DCAF8L2: variants seen among roughly 807,000 people sequenced by gnomAD.
DCAF8L2 encodes DDB1- and CUL4-associated factor 8-like protein 2.
For synonymous variants in DCAF8L2, 200 were observed against 190.9 expected, an observed-to-expected ratio of 1.05 and a Z score of -0.39; for missense variants, 430 against 490.7, an observed-to-expected ratio of 0.88 and a Z score of 1.17.
the DCAF8L2 span, among the ~76,000 whole-genome samples, chrX:27,557,570 T>C: frequency 9.0e-6 from 1 of 111,531 alleles, no homozygotes; most frequent in Non-Finnish European, 1.9e-5. Flanking sequence ...TTAGTGAAGA[T>C]GAGAGGAAGA....
upstream of DCAF8L2, among the ~76,000 whole-genome samples, chrX:27,586,798 A>C (rs1343117322): frequency 9.0e-6 from 1 of 111,063 alleles, no homozygotes; most frequent in African/African-American, 3.3e-5. Context: ...AACCAGGAAT[A>C]GAATATATTC....
chrX:27,661,889 C>T (rs987240152), intron 2 of DCAF8L2, among the ~76,000 whole-genome samples: 4 of 111,421 alleles, frequency 3.6e-5, no homozygotes, highest in African/African-American at 1.3e-4. Flanking sequence ...TAACCACTTC[C>T]TGGGATGTCT....
At chrX:27,564,353 C>G in the DCAF8L2 span, among the ~76,000 whole-genome samples, 2 of 111,466 alleles carry the variant, frequency 1.8e-5, no homozygotes, top group African/African-American at 6.5e-5. Context: ...AACTACAATT[C>G]AAGGTGAGAT....
At chrX:27,592,833 CTG>C (rs1926180186) in intron 1 of DCAF8L2, among the ~76,000 whole-genome samples, 1 of 102,495 alleles carries the variant, frequency 9.8e-6, no homozygotes, top group Non-Finnish European at 2.0e-5. Context: ...GAGTTTCACT[CTG>C]TTGCCCAGGC....
chrX:27,628,825 G>A (rs1294222161), intron 1 of DCAF8L2, among the ~76,000 whole-genome samples: 1 of 110,268 alleles, frequency 9.1e-6, no homozygotes, highest in Non-Finnish European at 1.9e-5. Context: ...GGACGGTCTC[G>A]ATCTCCTGAC....
chrX:27,643,367 G>T (rs1928813219), intron 2 of DCAF8L2, among the ~76,000 whole-genome samples: 1 of 110,352 alleles, frequency 9.1e-6, no homozygotes, highest in Non-Finnish European at 1.9e-5. Context: ...TTGGCCATTT[G>T]TATGTCTTCT....
At chrX:27,634,493 A>G (rs771312044) in intron 2 of DCAF8L2, among the ~76,000 whole-genome samples, 45 of 110,227 alleles carry the variant, frequency 4.1e-4, no homozygotes, top group African/African-American at 1.3e-3. Context: ...TACTAGTTGC[A>G]TAACCTCAGG....
the DCAF8L2 span, among the ~76,000 whole-genome samples, chrX:27,572,057 G>A: frequency 8.9e-6 from 1 of 112,217 alleles, no homozygotes; most frequent in Non-Finnish European, 1.9e-5. Flanking sequence ...TAAGTCACTA[G>A]TTGTGTAATT....
the DCAF8L2 span, among the ~76,000 whole-genome samples, chrX:27,583,874 C>A: frequency 1.8e-5 from 2 of 111,623 alleles, no homozygotes; most frequent in African/African-American, 3.3e-5. Context: ...TAATATCTGG[C>A]TCTTTAAGTT....
At chrX:27,631,595 A>G (rs1928293322) in intron 1 of DCAF8L2, among the ~76,000 whole-genome samples, 1 of 111,547 alleles carries the variant, frequency 9.0e-6, no homozygotes, top group African/African-American at 3.3e-5. Context: ...TGTGGCCAGT[A>G]GACACATTTT....
At chrX:27,746,661 C>T (rs1922179791) in intron 4 of DCAF8L2, 177 bp from the exon 5 acceptor site, 1 of 360,285 alleles carries the variant, frequency 2.8e-6, no homozygotes, top group African/African-American at 2.5e-5. Context: ...AGTCTGGATG[C>T]TGCGAGGCGG....
chrX:27,621,857 G>T (rs1227526494), intron 1 of DCAF8L2, among the ~76,000 whole-genome samples: 1 of 109,900 alleles, frequency 9.1e-6, no homozygotes, highest in East Asian at 2.9e-4. Flanking sequence ...AGCCAGATGC[G>T]GTGTCAGATG....
chrX:27,721,672 G>A (rs1931904843), intron 4 of DCAF8L2, among the ~76,000 whole-genome samples: 1 of 111,200 alleles, frequency 9.0e-6, no homozygotes, highest in South Asian at 3.7e-4. Flanking sequence ...AAAGAAAAAA[G>A]AAAGCATTAA....
chrX:27,592,217 G>C (rs1239875294), intron 1 of DCAF8L2, among the ~76,000 whole-genome samples: 1 of 111,615 alleles, frequency 9.0e-6, no homozygotes, highest in East Asian at 2.8e-4. Context: ...CTCCTGCCTC[G>C]TCATAGTACC....
At chrX:27,571,637 G>T in the DCAF8L2 span, among the ~76,000 whole-genome samples, 1 of 111,740 alleles carries the variant, frequency 8.9e-6, no homozygotes, top group Non-Finnish European at 1.9e-5. Context: ...ATCTGGGCTG[G>T]TCTGTGACTG....
chrX:27,745,411 A>T (rs191024013), intron 4 of DCAF8L2, among the ~76,000 whole-genome samples: 2 of 112,220 alleles, frequency 1.8e-5, no homozygotes, highest in Non-Finnish European at 3.8e-5. Context: ...GTTTTCACTC[A>T]TCATTGTGTT....
At chrX:27,740,005 C>A (rs1921757983) in intron 4 of DCAF8L2, among the ~76,000 whole-genome samples, 1 of 111,301 alleles carries the variant, frequency 9.0e-6, no homozygotes, top group Admixed American at 9.6e-5. Flanking sequence ...GCCAGACTCT[C>A]CACACTCCCC....
At chrX:27,524,256 G>C in the DCAF8L2 span, among the ~76,000 whole-genome samples, 1 of 111,669 alleles carries the variant, frequency 9.0e-6, no homozygotes, top group Non-Finnish European at 1.9e-5. Flanking sequence ...GTTTAGTCTT[G>C]GGAGGGTGTA....
intron 3 of DCAF8L2, among the ~76,000 whole-genome samples, chrX:27,700,097 C>A (rs1465429859): frequency 9.0e-6 from 1 of 111,099 alleles, no homozygotes; most frequent in Non-Finnish European, 1.9e-5. Flanking sequence ...CTGATAAAAT[C>A]TAGGCTGGAG....
Sources: allele counts gnomAD v4.1 joint callset (sites outside exome capture counted in the v4.1 genomes callset), GRCh38; gene constraint gnomAD v4.1.1; transcripts MANE v1.5; gene names NCBI Gene and HGNC (gene_info 2026-07-23, HGNC 2026-07-21).